PLCB1: variants seen among roughly 807,000 people sequenced by gnomAD.
PLCB1 encodes the protein 1-phosphatidylinositol 4,5-bisphosphate phosphodiesterase beta-1.
In PLCB1, 46 loss-of-function variants were observed where a neutral mutation model predicts 161.8. The observed-to-expected ratio is 0.28, with a 90% confidence interval of 0.22 to 0.36. The LOEUF (loss-of-function observed/expected upper bound fraction) is 0.36, where lower values mean the gene tolerates loss of function less well. Among genes scored for constraint, PLCB1 ranks in the 10% least tolerant of loss-of-function variants. The pLI, the probability that PLCB1 is intolerant of heterozygous loss-of-function variation, is 1.00. For missense variants in PLCB1, 1,016 were observed against 1,472.5 expected, an observed-to-expected ratio of 0.69 and a Z score of 5.07; for synonymous variants, 517 against 503.7, an observed-to-expected ratio of 1.03 and a Z score of -0.35.
intron 31 of PLCB1, among the ~76,000 whole-genome samples, chr20:8,814,832 A>C (rs1379980046): frequency 6.6e-6 from 1 of 152,196 alleles, no homozygotes; most frequent in Admixed American, 6.5e-5. Flanking sequence ...TTTTGACATA[A>C]GTTGGACTGA....
chr20:8,556,999 TAAATAAATAAATA>T (rs1459351392), intron 3 of PLCB1, among the ~76,000 whole-genome samples: 26 of 135,952 alleles, frequency 1.9e-4, no homozygotes, highest in Admixed American at 2.2e-4. Flanking sequence ...AATAAATAAA[TAAATAAATAAATA>T]AAATAAATAA....
intron 31 of PLCB1, among the ~76,000 whole-genome samples, chr20:8,858,100 AT>A (rs1167278128): frequency 6.6e-6 from 1 of 152,142 alleles, no homozygotes; most frequent in Non-Finnish European, 1.5e-5. Context: ...TTTTTATTTA[AT>A]TTTTATTGTT....
intron 2 of PLCB1, among the ~76,000 whole-genome samples, chr20:8,299,273 C>G (rs1171503685): frequency 2.0e-5 from 3 of 152,150 alleles, no homozygotes; most frequent in Non-Finnish European, 4.4e-5. Context: ...ATAAGCCAAG[C>G]TGCCCAATAA....
intron 3 of PLCB1, among the ~76,000 whole-genome samples, chr20:8,505,640 G>A (rs1983608603): frequency 6.6e-6 from 1 of 152,202 alleles, no homozygotes; most frequent in Non-Finnish European, 1.5e-5. Flanking sequence ...TTTGCTAGAC[G>A]TGTTTGGACA....
Position 8,728,619 on chromosome 20 carries a change from A to T in PLCB1, c.1764-431A>T, listed in dbSNP as rs1340994855. 6.6e-5 allele frequency among the ~76,000 whole-genome samples: 10 copies of T among 152,060 alleles called. No homozygotes were observed. In the East Asian group the frequency reaches 1.7e-3, roughly 26 times the overall value. On this transcript the variant is annotated intron_variant, in intron 17 of 31. Transcript: ENST00000338037. ...AAACACAATATCATTCTTTCAAATG[A>T]TTTAACACATTCCAGCCTCCTTGTG...
chr20:8,733,166 T>A (rs993791060), intron 18 of PLCB1, 72 bp from the exon 19 acceptor site: 3 of 1,483,896 alleles, frequency 2.0e-6, no homozygotes, highest in South Asian at 1.2e-5. Flanking sequence ...GGATCAACTT[T>A]ACTTTACAAT....
intron 3 of PLCB1, among the ~76,000 whole-genome samples, chr20:8,462,930 G>C (rs1216547306): frequency 1.3e-5 from 2 of 151,302 alleles, no homozygotes; most frequent in South Asian, 4.1e-4. Flanking sequence ...GAGTAGAAAG[G>C]CAAAGCATTG....
chr20:8,587,189 T>C (rs1298209160), intron 3 of PLCB1, among the ~76,000 whole-genome samples: 1 of 151,352 alleles, frequency 6.6e-6, no homozygotes, highest in African/African-American at 2.4e-5. Context: ...AATATATATA[T>C]ATATATGATC....
chr20:8,709,002 G>A (rs1429443567), intron 12 of PLCB1, among the ~76,000 whole-genome samples: 2 of 151,982 alleles, frequency 1.3e-5, no homozygotes, highest in Non-Finnish European at 2.9e-5. Context: ...TCTTCTTTTT[G>A]CAATGCAGTG....
chr20:8,716,442 C>T (rs1182824801), intron 13 of PLCB1, 94 bp downstream of exon 13: 32 of 922,554 alleles, frequency 3.5e-5, no homozygotes, highest in Non-Finnish European at 5.1e-5. Flanking sequence ...ATTTATGTTT[C>T]TTGGTAAGAT....
chr20:8,765,524 T>C (rs1358162683), intron 26 of PLCB1, among the ~76,000 whole-genome samples, 166 bp downstream of exon 26: 1 of 152,210 alleles, frequency 6.6e-6, no homozygotes, highest in Admixed American at 6.5e-5. Context: ...TGCTTGTGAA[T>C]TGAATTTTTT....
At chr20:8,775,299 A>T (rs1375342330) in intron 27 of PLCB1, among the ~76,000 whole-genome samples, 2 of 152,184 alleles carry the variant, frequency 1.3e-5, no homozygotes, top group African/African-American at 4.8e-5. Flanking sequence ...CATTCTCTCC[A>T]TTTTTGTTGA....
chr20:8,235,971 T>G (rs1010737399), intron 2 of PLCB1, among the ~76,000 whole-genome samples: 13 of 152,114 alleles, frequency 8.5e-5, no homozygotes, highest in African/African-American at 2.9e-4. Context: ...AGCACTATAT[T>G]TCTGGAAGGA....
In PLCB1 at chr20:8,254,610, C is replaced by T. The variant is rs181664684; in HGVS notation, c.177+104239C>T. Among the ~76,000 whole-genome samples, 126 of 152,066 alleles carry T rather than the reference C, an allele frequency of 8.3e-4. 2 individuals carry two copies. The highest frequency in any genetic ancestry group is 1.2e-3 in the Admixed American group (19 of 15,244). Reference sequence around the variant, plus strand: ...TTCATATAAAGGCTTATGTAATATACAGGCTACCAATCTTTGGCTTTGTAA... The same window carrying T: ...TTCATATAAAGGCTTATGTAATATATAGGCTACCAATCTTTGGCTTTGTAA... On this transcript the variant is annotated intron_variant, in intron 2 of 31. Transcript: ENST00000338037.
intron 2 of PLCB1, among the ~76,000 whole-genome samples, chr20:8,213,248 T>C (rs907723799): frequency 6.6e-6 from 1 of 152,190 alleles, no homozygotes; most frequent in African/African-American, 2.4e-5. Flanking sequence ...AAAATGTCCA[T>C]TAGATAATGG....
intron 10 of PLCB1, among the ~76,000 whole-genome samples, chr20:8,692,014 A>G (rs1426379303): frequency 6.6e-6 from 1 of 152,150 alleles, no homozygotes; most frequent in Non-Finnish European, 1.5e-5. Context: ...AAACCTTCCC[A>G]TACTCCCAAC....
chr20:8,157,965 A>G lies in PLCB1; in HGVS notation c.177+7594A>G, dbSNP rs1481566542. Reference sequence around the variant, plus strand: ...CACGAAAATTCATTACTCCTAATATAATTTAATTACAAAATTGTTCCTTGG... The same window carrying G: ...CACGAAAATTCATTACTCCTAATATGATTTAATTACAAAATTGTTCCTTGG... On this transcript the variant is annotated intron_variant, in intron 2 of 31. Coordinates refer to ENST00000338037, the MANE Select transcript of PLCB1 (RefSeq NM_015192.4). Among the ~76,000 whole-genome samples the G allele has an allele frequency of 3.9e-5, 6 of 152,340 alleles. No homozygotes were observed. In the East Asian group the frequency reaches 1.2e-3, roughly 29 times the overall value.
intron 31 of PLCB1, among the ~76,000 whole-genome samples, chr20:8,829,516 C>A (rs1985881031): frequency 6.6e-6 from 1 of 152,188 alleles, no homozygotes; most frequent in Non-Finnish European, 1.5e-5. Flanking sequence ...TTCTGTACAT[C>A]CTCAGTTAAG....
At chr20:8,490,341 A>C (rs1025855347) in intron 3 of PLCB1, among the ~76,000 whole-genome samples, 3 of 152,218 alleles carry the variant, frequency 2.0e-5, no homozygotes, top group African/African-American at 7.2e-5. Flanking sequence ...GACATTGTGT[A>C]AGCAAGAAAT....
Sources: allele counts gnomAD v4.1 joint callset (sites outside exome capture counted in the v4.1 genomes callset), GRCh38; gene constraint gnomAD v4.1.1; transcripts MANE v1.5; gene names NCBI Gene and HGNC (gene_info 2026-07-23, HGNC 2026-07-21).